GRM7: variants seen among roughly 807,000 people sequenced by gnomAD.
GRM7 encodes glutamate metabotropic receptor 7, also known as metabotropic glutamate receptor 7.
Under a neutral mutation model 84.5 loss-of-function variants are expected in GRM7, and 35 were observed. The observed-to-expected ratio is 0.41, with a 90% CI of 0.32 to 0.55. The LOEUF (loss-of-function observed/expected upper bound fraction) is 0.55. GRM7 is among the 20% of genes least tolerant of loss of function. The pLI is 0.19. For synonymous variants in GRM7, 487 were observed against 455.1 expected, an observed-to-expected ratio of 1.07 and a Z score of -0.89; for missense variants, 1,003 against 1,194.6, an observed-to-expected ratio of 0.84 and a Z score of 2.36.
intron 8 of GRM7, among the ~76,000 whole-genome samples, chr3:7,659,585 G>A (rs1228373411): frequency 1.3e-5 from 2 of 152,154 alleles, no homozygotes; most frequent in Non-Finnish European, 2.9e-5. Context: ...CCCATTGGAA[G>A]CCCCATCTGT....
chr3:7,012,832 T>A (rs1559383641), intron 1 of GRM7, among the ~76,000 whole-genome samples: 1 of 152,114 alleles, frequency 6.6e-6, no homozygotes, highest in Non-Finnish European at 1.5e-5. Context: ...CCTGGACCAT[T>A]TGGACTCAAG....
chr3:7,717,941 C>T (rs1303528947), intron 9 of GRM7, among the ~76,000 whole-genome samples: 1 of 152,214 alleles, frequency 6.6e-6, no homozygotes, highest in Non-Finnish European at 1.5e-5. Context: ...TAAATCTGCT[C>T]AGTTCCTTCA....
At chr3:7,263,682 G>A (rs527475128) in intron 2 of GRM7, among the ~76,000 whole-genome samples, 4 of 152,158 alleles carry the variant, frequency 2.6e-5, no homozygotes, top group African/African-American at 9.7e-5. Flanking sequence ...TCAGAGCAGA[G>A]TTGGGTCTGC....
At chr3:6,870,148 C>G (rs1214261132) in intron 1 of GRM7, among the ~76,000 whole-genome samples, 1 of 152,054 alleles carries the variant, frequency 6.6e-6, no homozygotes, top group Non-Finnish European at 1.5e-5. Flanking sequence ...ATGGATGTTA[C>G]AAGTTGGTGA....
chr3:7,376,436 A>G (rs1397754825), intron 4 of GRM7, among the ~76,000 whole-genome samples: 1 of 152,202 alleles, frequency 6.6e-6, no homozygotes, highest in Admixed American at 6.5e-5. Context: ...AAAACAGGTG[A>G]GGAACAAGCT....
At chr3:7,127,030 C>G (rs1378935585) in intron 1 of GRM7, among the ~76,000 whole-genome samples, 1 of 152,224 alleles carries the variant, frequency 6.6e-6, no homozygotes, top group Non-Finnish European at 1.5e-5. Context: ...GAATCATGAG[C>G]TCTTGACTAG....
chr3:7,420,182 A>G (rs946213234), intron 5 of GRM7, among the ~76,000 whole-genome samples: 2 of 152,190 alleles, frequency 1.3e-5, no homozygotes, highest in African/African-American at 4.8e-5. Context: ...ATTAGAGCCT[A>G]TATAATTCGT....
chr3:7,701,271 G>A lies in GRM7; in HGVS notation c.2698+20976G>A, dbSNP rs148851644. Among the ~76,000 whole-genome samples, 253 of 150,056 alleles carry A rather than the reference G, an allele frequency of 1.7e-3. 1 individual carries two copies. Among genetic ancestry groups the A allele is most frequent in the Non-Finnish European group, 2.4e-3 (163 of 67,786 alleles). ...GGCCACTGGAGGCCTGGTTTTGGAAGCTCATACAGAAGATACCTGTGGTTG... is the reference window on the plus strand; with the variant it reads ...GGCCACTGGAGGCCTGGTTTTGGAAACTCATACAGAAGATACCTGTGGTTG... On this transcript the variant is annotated intron_variant, in intron 9 of 9. Transcript: ENST00000357716.
Position 6,881,921 on chromosome 3 carries a change from T to TTGTGTGTG in GRM7, c.519+20040_519+20047dup, listed in dbSNP as rs3060190. 7.8e-3 allele frequency among the ~76,000 whole-genome samples: 1,127 copies of TTGTGTGTG among 144,684 alleles called. 15 individuals carry two copies. Among genetic ancestry groups the TTGTGTGTG allele is most frequent in the African/African-American group, 0.026 (1,025 of 39,364 alleles). The allele number at this position is 144,684 out of a possible 152,430, so 94.9% of individuals were successfully genotyped here. A position where few individuals can be genotyped will look rare whatever the true frequency, so the allele number is the denominator to read the frequency against. On this transcript the variant is annotated intron_variant, in intron 1 of 9. Coordinates refer to ENST00000357716, the MANE Select transcript of GRM7 (RefSeq NM_000844.4). ...GATCGATTAGTCTAAGGCAATTGAATTGTGTGTGTGTGTGTGTGTGTGTGT... is the reference window on the plus strand; with the variant it reads ...GATCGATTAGTCTAAGGCAATTGAATTGTGTGTGTGTGTGTGTGTGTGTGTGTGTGTGT...
At chr3:7,007,731 TGTTCAA>T (rs567662437) in intron 1 of GRM7, among the ~76,000 whole-genome samples, 127 of 152,314 alleles carry the variant, frequency 8.3e-4, no homozygotes, top group African/African-American at 2.6e-3. Flanking sequence ...CCCCACAAAA[TGTTCAA>T]GTTCATCTGT....
intron 7 of GRM7, among the ~76,000 whole-genome samples, chr3:7,500,138 A>G (rs945135524): frequency 2.6e-5 from 4 of 152,072 alleles, no homozygotes; most frequent in African/African-American, 9.7e-5. Flanking sequence ...CTATTTTTCC[A>G]AATTTGTTTT....
chr3:7,595,561 T>G (rs554963764), intron 8 of GRM7, among the ~76,000 whole-genome samples: 1 of 151,742 alleles, frequency 6.6e-6, no homozygotes, highest in Non-Finnish European at 1.5e-5. Flanking sequence ...CAAATATGAG[T>G]ATGTAATATA....
intron 4 of GRM7, among the ~76,000 whole-genome samples, chr3:7,375,189 A>AAAC (rs1694293946): frequency 6.6e-6 from 1 of 151,768 alleles, no homozygotes; most frequent in African/African-American, 2.4e-5. Flanking sequence ...GCCAAACCAT[A>AAAC]AACTGGCTCT....
intron 9 of GRM7, among the ~76,000 whole-genome samples, chr3:7,705,011 T>C (rs1701340982): frequency 6.6e-6 from 1 of 152,138 alleles, no homozygotes; most frequent in Non-Finnish European, 1.5e-5. Context: ...AGACAAGGCT[T>C]GTGCTGGCTA....
At chr3:7,305,323 GC>G (rs916336439) in intron 3 of GRM7, among the ~76,000 whole-genome samples, 5 of 141,976 alleles carry the variant, frequency 3.5e-5, no homozygotes, top group African/African-American at 1.3e-4. Context: ...TATTTCCTAT[GC>G]TGCTGCTTTT....
intron 4 of GRM7, among the ~76,000 whole-genome samples, chr3:7,345,258 A>G (rs1003445613): frequency 1.3e-5 from 2 of 151,388 alleles, no homozygotes; most frequent in African/African-American, 2.4e-5. Flanking sequence ...TCTGTCTCAT[A>G]TCTTAACAAT....
At chr3:7,251,832 A>T (rs1697998200) in intron 2 of GRM7, among the ~76,000 whole-genome samples, 1 of 152,228 alleles carries the variant, frequency 6.6e-6, no homozygotes, top group Non-Finnish European at 1.5e-5. Context: ...CTCTTGTGTG[A>T]ATTAAAAATC....
At chr3:7,176,663 A>T (rs913442923) in intron 2 of GRM7, among the ~76,000 whole-genome samples, 1 of 152,174 alleles carries the variant, frequency 6.6e-6, no homozygotes, top group Non-Finnish European at 1.5e-5. Context: ...CATACTGGAA[A>T]CTTTGTAGTG....
rs190520502 is a variant in GRM7, at chr3:6,937,777, T to C, written c.519+75870T>C. 3.3e-5 allele frequency among the ~76,000 whole-genome samples: 5 copies of C among 152,348 alleles called. No individual in the cohort carries two copies. The East Asian group carries it at 9.6e-4, about 29-fold the overall frequency. The stretch of plus-strand genomic sequence containing the variant: ...TCTCAGAACAAGGAGGTGTAATTTC[T>C]ATTATCTGTTATCACAATGTAATCA... On this transcript the variant is annotated intron_variant, in intron 1 of 9. Coordinates refer to ENST00000357716, the MANE Select transcript of GRM7 (RefSeq NM_000844.4).
Sources: allele counts gnomAD v4.1 joint callset (sites outside exome capture counted in the v4.1 genomes callset), GRCh38; gene constraint gnomAD v4.1.1; transcripts MANE v1.5; gene names NCBI Gene and HGNC (gene_info 2026-07-23, HGNC 2026-07-21).